Variants in SPAG8 observed in about 807,000 individuals in gnomAD.
SPAG8 encodes sperm associated antigen 8, also known as sperm-associated antigen 8.
A neutral mutation model predicts 45.3 loss-of-function variants in SPAG8; 36 were observed. The observed-to-expected ratio is 0.80, with a 90% CI of 0.61 to 1.05. The LOEUF is 1.05. Ranked by LOEUF, SPAG8 falls within the 50% of genes least tolerant of loss-of-function variation. The pLI is 0.00. For synonymous variants in SPAG8, 227 were observed against 232.6 expected (o/e 0.98, Z 0.22); for missense variants, 573 against 609.2 (o/e 0.94, Z 0.63).
Position 35,811,700 on chromosome 9 carries a change from C to A in SPAG8, c.346G>T (p.Val116Phe), listed in dbSNP as rs142261431. The change falls in exon 2 of 7, where the codon GTC becomes TTC. Residue 116 changes from valine to phenylalanine, a missense_variant. Transcript: ENST00000396638. ...TCCTGAGCAATACAGGAAACATAGA[C>A]GGGCTCAAAGCCAAGACTCCCATGG... ...IAHGSLGFEP[V>F]YVSCIAQDTC... The A allele has an allele frequency of 9.3e-6, 15 of 1,614,102 alleles. No homozygotes were observed. The highest frequency in any genetic ancestry group is 1.3e-5 in the Non-Finnish European group (15 of 1,180,048).
In SPAG8 at chr9:35,810,022, G is replaced by A. The variant is rs985441542; in HGVS notation, c.1374C>T (p.Tyr458=). 1.2e-6 allele frequency: 2 copies of A among 1,613,516 alleles called. No individual in the cohort carries two copies. Among genetic ancestry groups the A allele is most frequent in the Admixed American group, 1.7e-5 (1 of 59,966 alleles). The change falls in exon 7 of 7, where the codon TAC becomes TAT. Residue 458 remains tyrosine (Y), a synonymous_variant. Transcript: ENST00000396638. ...GKLLPYEPEN[Y]PYQLGEISSL... ...AAGATATTTCTCCCAATTGGTAGGGGTAATTCTCAGGTTCATAGGGCAAAA... is the reference window on the plus strand; with the variant it reads ...AAGATATTTCTCCCAATTGGTAGGGATAATTCTCAGGTTCATAGGGCAAAA...
rs765652974 is a variant in SPAG8 at position 35,811,812 on chromosome 9, C to A, written c.234G>T (p.Ala78=). 6.2e-7 allele frequency: 1 copy of A among 1,613,426 alleles called. No individual in the cohort carries two copies. Among genetic ancestry groups the A allele is most frequent in the East Asian group, 2.2e-5 (1 of 44,834 alleles). Residue 78 remains alanine, a synonymous_variant, in exon 2 of 7, where the codon GCG becomes GCT. Transcript: ENST00000396638. ...KAAALSTKTP[A]PCSEFMEPSS... ...ACGGCTCCATGAACTCAGAACAGGG[C>A]GCTGGGGTCTTTGTAGATAATGCAG...
chr9:35,809,198 A>G (rs1828609114), downstream of SPAG8: 1 of 1,614,008 alleles, frequency 6.2e-7, no homozygotes, highest in Non-Finnish European at 8.5e-7. The surrounding 1 kb of genome is among the most constrained non-coding windows in gnomAD (Gnocchi z 4.1). Flanking sequence ...GATGCCCTAG[A>G]TGAGCTAGGA....
chr9:35,809,883 C>G lies in SPAG8; in HGVS notation c.*55G>C. 1 of 1,539,132 alleles carries G rather than the reference C, an allele frequency of 6.5e-7. No homozygotes were observed. Among genetic ancestry groups the G allele is most frequent in the Non-Finnish European group, 8.7e-7 (1 of 1,147,870 alleles). The stretch of plus-strand genomic sequence containing the variant: ...GAGAATTAACTTCCTCCCGACCTCT[C>G]TAGTGCAGACAGAAATAGATTCCAT... On this transcript the variant is annotated 3_prime_UTR_variant, in exon 7 of 7. Transcript: ENST00000396638. The surrounding 1 kb of genome is among the most constrained non-coding windows in gnomAD (Gnocchi z 4.1).
downstream of SPAG8, chr9:35,807,917 G>A: frequency 6.1e-6 from 3 of 495,652 alleles, no homozygotes; most frequent in Non-Finnish European, 1.1e-5. Context: ...TTATCTGTAA[G>A]ATGGGAATAA....
downstream of SPAG8, chr9:35,809,310 T>G: frequency 6.2e-7 from 1 of 1,610,464 alleles, no homozygotes; most frequent in Non-Finnish European, 8.5e-7. The surrounding 1 kb of genome is among the most constrained non-coding windows in gnomAD (Gnocchi z 4.1). Context: ...ATGGGAATCA[T>G]AGGGAAAGAG....
Position 35,810,009 on chromosome 9 carries a change from C to T in SPAG8, c.1387G>A (p.Gly463Arg). The change falls in exon 7 of 7, where the codon GGA (glycine) becomes AGA (arginine). Residue 463 changes from glycine to arginine, a missense_variant. Physicochemically the swap from Gly to Arg is moderately radical, Grantham distance 125 (BLOSUM62 -2). Transcript: ENST00000396638. ...GGACAGGGAAGGGAAGATATTTCTC[C>T]CAATTGGTAGGGGTAATTCTCAGGT... ...YEPENYPYQLGEISSLPCPGG... is the reference protein window; with the variant it reads ...YEPENYPYQLREISSLPCPGG... 1.2e-6 allele frequency: 2 copies of T among 1,612,780 alleles called. No homozygotes were observed. The highest frequency in any genetic ancestry group is 1.7e-6 in the Non-Finnish European group (2 of 1,179,332).
rs944421146 is a variant in SPAG8 at position 35,811,640 on chromosome 9, C to G, written c.406G>C (p.Gly136Arg). Reference protein sequence around the residue: ...CTTTDHSSNPGPVPGSSSGPV... With the variant: ...CTTTDHSSNPRPVPGSSSGPV... ...CCAGAGCTAGAGCCTGGAACAGGGC[C>G]AGGATTAGAACTATGGTCAGTTGTA... The change falls in exon 2 of 7, where the codon GGC becomes CGC. Residue 136 changes from glycine to arginine, a missense_variant. Gly to Arg is a moderately radical substitution (Grantham distance 125). Transcript: ENST00000396638. 1.9e-6 allele frequency: 3 copies of G among 1,614,040 alleles called. No homozygotes were observed. The highest frequency in any genetic ancestry group is 2.5e-6 in the Non-Finnish European group (3 of 1,180,042).
In SPAG8 at chr9:35,810,015, G is replaced by T. The variant is rs1828691089; in HGVS notation, c.1381C>A (p.Gln461Lys). Reference sequence around the variant, plus strand: ...GGAAGGGAAGATATTTCTCCCAATTGGTAGGGGTAATTCTCAGGTTCATAG... The same window carrying T: ...GGAAGGGAAGATATTTCTCCCAATTTGTAGGGGTAATTCTCAGGTTCATAG... ...LPYEPENYPYQLGEISSLPCP... is the reference protein window; with the variant it reads ...LPYEPENYPYKLGEISSLPCP... Residue 461 changes from glutamine to lysine, a missense_variant, in exon 7 of 7, where the codon CAA becomes AAA. Transcript: ENST00000396638. 4.3e-6 allele frequency: 7 copies of T among 1,613,196 alleles called. No homozygotes were observed. The highest frequency in any genetic ancestry group is 5.9e-6 in the Non-Finnish European group (7 of 1,179,588).
In SPAG8 at chr9:35,811,694, C is replaced by CA; in HGVS notation, c.351dup (p.Val118CysfsTer13). On this transcript the variant is annotated frameshift_variant, in exon 2 of 7. Transcript: ENST00000396638. LOFTEE classifies it high-confidence loss of function. ...CAAGTGTCCTGAGCAATACAGGAAA[C>CA]ATAGACGGGCTCAAAGCCAAGACTC... 1.2e-6 allele frequency: 2 copies of CA among 1,614,224 alleles called. No individual in the cohort carries two copies. The highest frequency in any genetic ancestry group is 1.7e-6 in the Non-Finnish European group (2 of 1,180,042).
intron 3 of SPAG8, 100 bp downstream of exon 3, chr9:35,810,783 C>T: frequency 6.3e-7 from 1 of 1,597,844 alleles, no homozygotes; most frequent in South Asian, 1.1e-5. Context: ...GGGTTCCGCC[C>T]TTATATCCAC....
downstream of SPAG8, chr9:35,809,786 C>T (rs1828669331): frequency 1.3e-6 from 2 of 1,538,662 alleles, no homozygotes; most frequent in Non-Finnish European, 1.8e-6. The surrounding 1 kb of genome is among the most constrained non-coding windows in gnomAD (Gnocchi z 4.1). Context: ...CACACAGTGA[C>T]TCACAGAATC....
downstream of SPAG8, chr9:35,809,672 T>C: frequency 8.8e-7 from 1 of 1,130,502 alleles, no homozygotes. The surrounding 1 kb of genome is among the most constrained non-coding windows in gnomAD (Gnocchi z 4.1). Flanking sequence ...TAAATATCTG[T>C]ATCTAAACCA....
In SPAG8 at chr9:35,810,455, G is replaced by T. The variant is rs1420649776; in HGVS notation, c.1184C>A (p.Thr395Asn). The change falls in exon 5 of 7, where the codon ACT (threonine) becomes AAT (asparagine). Residue 395 changes from threonine (T) to asparagine (N), a missense_variant. Coordinates refer to ENST00000396638, the MANE Select transcript of SPAG8 (RefSeq NM_001039592.2). ...DYRMELAQAGTPAPTKPHDYR... is the reference protein window; with the variant it reads ...DYRMELAQAGNPAPTKPHDYR... Reference sequence around the variant, plus strand: ...GGTTCTCACCTTTGTTGGGGCAGGAGTCCCTGCTTGTGCCAGCTCCATTCG... The same window carrying T: ...GGTTCTCACCTTTGTTGGGGCAGGATTCCCTGCTTGTGCCAGCTCCATTCG... The T allele has an allele frequency of 1.9e-6, 3 of 1,613,866 alleles. No individual in the cohort carries two copies. The highest frequency in any genetic ancestry group is 2.5e-6 in the Non-Finnish European group (3 of 1,179,832).
downstream of SPAG8, chr9:35,809,301 T>A: frequency 1.9e-6 from 3 of 1,610,228 alleles, no homozygotes; most frequent in Non-Finnish European, 2.5e-6. The surrounding 1 kb of genome is among the most constrained non-coding windows in gnomAD (Gnocchi z 4.1). Context: ...AAAGTGATTA[T>A]GGGAATCATA....
downstream of SPAG8, chr9:35,808,171 C>T: frequency 1.2e-6 from 2 of 1,612,652 alleles, no homozygotes; most frequent in South Asian, 1.1e-5. The surrounding 1 kb of genome is among the most constrained non-coding windows in gnomAD (Gnocchi z 4.0). Flanking sequence ...TGCTTTACCT[C>T]CTCACCAGCC....
chr9:35,809,294 G>A (rs1394193571), downstream of SPAG8: 6 of 1,610,762 alleles, frequency 3.7e-6, no homozygotes, highest in Non-Finnish European at 5.1e-6. The surrounding 1 kb of genome is among the most constrained non-coding windows in gnomAD (Gnocchi z 4.1). Context: ...GAGGGTGAAA[G>A]TGATTATGGG....
chr9:35,809,748 C>T, downstream of SPAG8: 1 of 1,455,956 alleles, frequency 6.9e-7, no homozygotes, highest in Non-Finnish European at 9.5e-7. The surrounding 1 kb of genome is among the most constrained non-coding windows in gnomAD (Gnocchi z 4.1). Context: ...GGGATAGGGG[C>T]AATCCCAAGG....
Position 35,810,481 on chromosome 9 carries a change from G to A in SPAG8, c.1158C>T (p.Tyr386=). Reference sequence around the variant, plus strand: ...TCCCTGCTTGTGCCAGCTCCATTCGGTAGTCATGGTGTGTCACAGACTCAA... The same window carrying A: ...TCCCTGCTTGTGCCAGCTCCATTCGATAGTCATGGTGTGTCACAGACTCAA... ...FEVESVTHHD[Y]RMELAQAGTP... is the part of the protein sequence containing the mutation. Residue 386 remains tyrosine, a synonymous_variant, in exon 5 of 7, where the codon TAC becomes TAT. Transcript: ENST00000396638. 1.2e-6 allele frequency: 2 copies of A among 1,614,180 alleles called. No individual in the cohort carries two copies. The highest frequency in any genetic ancestry group is 1.7e-6 in the Non-Finnish European group (2 of 1,180,032).
Sources: gnomAD v4.1 joint callset for allele counts on GRCh38, gnomAD v4.1.1 for gene constraint, Gnocchi (gnomAD v3.1) non-coding constraint, MANE v1.5 for transcripts, NCBI Gene and HGNC (gene_info 2026-07-23, HGNC 2026-07-21) for gene names.